CFAP20DC: variants seen among roughly 807,000 people sequenced by gnomAD.
CFAP20DC encodes the protein protein CFAP20DC.
A neutral mutation model predicts 101.7 loss-of-function variants in CFAP20DC; 84 were observed. The ratio of observed to expected loss-of-function variants is 0.83; its 90% CI spans 0.69 to 0.99. The LOEUF is 0.99. Among genes scored for constraint, CFAP20DC ranks in the 50% least tolerant of loss-of-function variants. The pLI is 0.00. For missense variants in CFAP20DC, 1,007 were observed against 970.3 expected, an observed-to-expected ratio of 1.04 and a Z score of -0.50; for synonymous variants, 359 against 351.2, an observed-to-expected ratio of 1.02 and a Z score of -0.25.
intron 3 of CFAP20DC, chr3:58,734,360 A>C: frequency 3.0e-6 from 1 of 335,696 alleles, no homozygotes. Context: ...TACTTTCAGG[A>C]ATGATGCTAT....
In CFAP20DC at chr3:58,933,378, A is replaced by G. The variant is rs1182602577; in HGVS notation, c.393+4270T>C. 3.3e-5 allele frequency among the ~76,000 whole-genome samples: 5 copies of G among 151,646 alleles called. No homozygotes were observed. In the East Asian group the frequency reaches 9.7e-4, roughly 29 times the overall value. On this transcript the variant is annotated intron_variant, in intron 5 of 16. Coordinates refer to ENST00000482387, the MANE Select transcript of CFAP20DC (RefSeq NM_001394063.1). The stretch of plus-strand genomic sequence containing the variant: ...GACAGATCAACGAGACAGAAAGTTA[A>G]CAAGGATACCCAGGAATTGAACTCA...
chr3:58,934,406 T>G (rs1322752844), intron 5 of CFAP20DC, among the ~76,000 whole-genome samples: 3 of 152,152 alleles, frequency 2.0e-5, no homozygotes, highest in Admixed American at 2.0e-4. Context: ...GAAGGAATCC[T>G]CCCTAACTCA....
At chr3:59,036,057 A>T (rs902236950) in intron 4 of CFAP20DC, among the ~76,000 whole-genome samples, 2 of 152,234 alleles carry the variant, frequency 1.3e-5, no homozygotes, top group African/African-American at 4.8e-5. Context: ...ATACCTCATG[A>T]TCTCAACAGA....
intron 4 of CFAP20DC, among the ~76,000 whole-genome samples, chr3:58,959,978 T>C (rs1038708380): frequency 1.3e-5 from 2 of 152,216 alleles, no homozygotes; most frequent in Non-Finnish European, 2.9e-5. Context: ...TTTCTGGTTT[T>C]TTTTCTTGAT....
chr3:58,863,708 T>C lies in CFAP20DC; in HGVS notation c.1443A>G (p.Ser481=), dbSNP rs1325830177. 2.5e-6 allele frequency: 4 copies of C among 1,614,044 alleles called. No homozygotes were observed. Among genetic ancestry groups the C allele is most frequent in the Non-Finnish European group, 2.5e-6 (3 of 1,180,044 alleles). The part of the protein sequence containing the change: ...QSVPKDIFTF[S]SRPRSAPHGK... The stretch of plus-strand genomic sequence containing the variant: ...CATGAGGTGCTGATCGTGGTCTTGA[T>C]GAAAAAGTGAAAATGTCCTTTGGAA... Residue 481 remains serine (S), a synonymous_variant, in exon 12 of 17, where the codon TCA becomes TCG. Coordinates refer to ENST00000482387, the MANE Select transcript of CFAP20DC (RefSeq NM_001394063.1). This position sits in a 1 kb window ranked among gnomAD's most constrained non-coding sequence, Gnocchi z 5.9.
At chr3:58,975,963 A>C (rs2092253825) in intron 4 of CFAP20DC, among the ~76,000 whole-genome samples, 1 of 152,184 alleles carries the variant, frequency 6.6e-6, no homozygotes, top group South Asian at 2.1e-4. Context: ...TTAAACACCG[A>C]AGTGCTTCTC....
chr3:58,992,630 C>A, intron 4 of CFAP20DC: 3 of 816,456 alleles, frequency 3.7e-6, no homozygotes, highest in African/African-American at 1.9e-5. Flanking sequence ...CTCCATCAGA[C>A]AATAAATACA....
intron 5 of CFAP20DC, among the ~76,000 whole-genome samples, chr3:58,923,284 G>T (rs758718104): frequency 3.9e-5 from 6 of 152,106 alleles, no homozygotes; most frequent in Non-Finnish European, 8.8e-5. Flanking sequence ...TTTCTTTTTA[G>T]ATTTAGCTAT....
chr3:58,962,336 C>G (rs547541087), intron 4 of CFAP20DC, among the ~76,000 whole-genome samples: 1 of 152,018 alleles, frequency 6.6e-6, no homozygotes, highest in African/African-American at 2.4e-5. Context: ...AATTTTTTAT[C>G]TCATGTTTAT....
At chr3:58,941,563 T>C (rs1342327412) in intron 4 of CFAP20DC, among the ~76,000 whole-genome samples, 1 of 151,728 alleles carries the variant, frequency 6.6e-6, no homozygotes, top group Non-Finnish European at 1.5e-5. Context: ...CTTTATAACT[T>C]TCATTTCTTT....
In CFAP20DC at chr3:58,781,516, T is replaced by C. The variant is rs557294399; in HGVS notation, c.2237+24879A>G. 1.1e-4 allele frequency among the ~76,000 whole-genome samples: 16 copies of C among 152,068 alleles called. No homozygotes were observed. In the East Asian group the frequency reaches 2.9e-3, roughly 27 times the overall value. ...AGGATCAACAAAACAAAAAGTTGGC[T>C]TTTTGAAAGATAAAATTGATAAACC... On this transcript the variant is annotated intron_variant, in intron 15 of 16. Coordinates refer to ENST00000482387, the MANE Select transcript of CFAP20DC (RefSeq NM_001394063.1).
chr3:58,763,264 T>C (rs1457513095), intron 15 of CFAP20DC, among the ~76,000 whole-genome samples: 2 of 152,180 alleles, frequency 1.3e-5, no homozygotes, highest in African/African-American at 4.8e-5. Context: ...TCTAAACTTT[T>C]CTTGTCGCTT....
rs563489593 is a variant in CFAP20DC, at chr3:58,837,804, G to C, written c.1972-5915C>G. ...GGACCCCAACATGACAGTAAGAAAA[G>C]TACTAGAAGTCCATTTTCCAAAGCT... On this transcript the variant is annotated intron_variant, in intron 13 of 16. Coordinates refer to ENST00000482387, the MANE Select transcript of CFAP20DC (RefSeq NM_001394063.1). 3.0e-3 allele frequency among the ~76,000 whole-genome samples: 458 copies of C among 152,304 alleles called. 6 individuals are homozygous for C. The highest frequency in any genetic ancestry group is 0.011 in the African/African-American group (439 of 41,568).
chr3:58,716,313 C>T (rs2067398485), downstream of CFAP20DC, among the ~76,000 whole-genome samples: 1 of 151,532 alleles, frequency 6.6e-6, no homozygotes, highest in African/African-American at 2.4e-5. Flanking sequence ...AGGCGCCCGC[C>T]ACCACGCCCG....
At chr3:59,019,111 T>C (rs1190668283) in intron 4 of CFAP20DC, 1 of 152,142 alleles carries the variant, frequency 6.6e-6, no homozygotes, top group African/African-American at 2.4e-5. Context: ...TAACTTTAGA[T>C]TGCATGACCC....
intron 4 of CFAP20DC, among the ~76,000 whole-genome samples, chr3:58,940,233 G>A (rs538354548): frequency 3.9e-5 from 6 of 152,288 alleles, no homozygotes; most frequent in South Asian, 2.1e-4. Context: ...GGGAGACAGC[G>A]ATGAAAAAGA....
intron 15 of CFAP20DC, among the ~76,000 whole-genome samples, chr3:58,769,648 A>C (rs900112568): frequency 6.6e-6 from 1 of 152,110 alleles, no homozygotes; most frequent in Non-Finnish European, 1.5e-5. Context: ...AAAGGCAGCT[A>C]GTTGAGAATG....
At chr3:58,930,827 T>C (rs939890694) in intron 5 of CFAP20DC, among the ~76,000 whole-genome samples, 1 of 152,140 alleles carries the variant, frequency 6.6e-6, no homozygotes, top group East Asian at 1.9e-4. Context: ...GGTCTACAGC[T>C]CCCAGCGTGA....
chr3:58,813,607 T>C (rs1188051812), intron 14 of CFAP20DC, among the ~76,000 whole-genome samples: 2 of 151,868 alleles, frequency 1.3e-5, no homozygotes, highest in African/African-American at 2.4e-5. Flanking sequence ...ATATTTCTCA[T>C]TAAAAGAAGT....
Sources: allele counts gnomAD v4.1 joint callset (sites outside exome capture counted in the v4.1 genomes callset), GRCh38; gene constraint gnomAD v4.1.1; non-coding constraint Gnocchi (gnomAD v3.1); transcripts MANE v1.5; gene names NCBI Gene and HGNC (gene_info 2026-07-23, HGNC 2026-07-21).